SMPD3: variants seen among roughly 807,000 people sequenced by gnomAD.
SMPD3 encodes the protein nSMase-2.
SMPD3 carries 21 observed loss-of-function variants against 55.7 expected under a neutral mutation model. That is an observed-to-expected ratio of 0.38 (90% CI 0.27 to 0.54). The LOEUF (loss-of-function observed/expected upper bound fraction) is 0.54. Ranked by LOEUF, SMPD3 falls within the 20% of genes least tolerant of loss-of-function variation. The pLI, the probability that SMPD3 is intolerant of heterozygous loss-of-function variation, is 0.80. For synonymous variants in SMPD3, 457 were observed against 404.3 expected (o/e 1.13, Z -1.56); for missense variants, 842 against 899.6 (o/e 0.94, Z 0.82).
chr16:68,392,629 A>C (rs2152005457), intron 1 of SMPD3, among the ~76,000 whole-genome samples: 1 of 152,248 alleles, frequency 6.6e-6, no homozygotes, highest in East Asian at 1.9e-4. Context: ...TGGGAGGCCA[A>C]GGTAGGAGGA....
chr16:68,413,329 A>G (rs962461003), intron 1 of SMPD3, among the ~76,000 whole-genome samples: 1 of 152,202 alleles, frequency 6.6e-6, no homozygotes, highest in African/African-American at 2.4e-5. Context: ...ATGGGAAAGC[A>G]TGAGCTGTGA....
Position 68,358,405 on chromosome 16 carries a change from C to A in SMPD3, c.*2801G>T, listed in dbSNP as rs967048943. 6.5e-6 allele frequency: 1 copy of A among 152,696 alleles called. No homozygotes were observed. Among genetic ancestry groups the A allele is most frequent in the Non-Finnish European group, 1.5e-5 (1 of 68,044 alleles). 9.5% of individuals were successfully genotyped at this position (152,696 alleles called of 1,614,324 possible). A position where few individuals can be genotyped will look rare whatever the true frequency, so the allele number is the denominator to read the frequency against. On this transcript the variant is annotated 3_prime_UTR_variant, in exon 9 of 9. Coordinates refer to ENST00000219334, the MANE Select transcript of SMPD3 (RefSeq NM_018667.4). The stretch of plus-strand genomic sequence containing the variant: ...AGTAAGGAAAAAGAACACCTCTCTT[C>A]GCAAAATATTTTATCAGGTGTAAAG...
intron 3 of SMPD3, among the ~76,000 whole-genome samples, chr16:68,365,966 C>T (rs1431624428): frequency 1.3e-5 from 2 of 152,178 alleles, no homozygotes; most frequent in African/African-American, 4.8e-5. Flanking sequence ...ACAGAGATGC[C>T]CTGCACAGAG....
In SMPD3 at chr16:68,359,331, CG is replaced by C. The variant is rs1356314743; in HGVS notation, c.*1874del. 1.3e-5 allele frequency: 2 copies of C among 152,386 alleles called. No homozygotes were observed. Among genetic ancestry groups the C allele is most frequent in the Non-Finnish European group, 2.9e-5 (2 of 68,108 alleles). The allele number at this position is 152,386 out of a possible 1,614,324, so 9.4% of individuals were successfully genotyped here. On this transcript the variant is annotated 3_prime_UTR_variant, in exon 9 of 9. Coordinates refer to ENST00000219334, the MANE Select transcript of SMPD3 (RefSeq NM_018667.4). Reference sequence around the variant, plus strand: ...AGGCCAGCCCCTTGGAGGGGTGGGCCGGGCAGAGAGCCCAGCAGGATGCTCG... The same window carrying C: ...AGGCCAGCCCCTTGGAGGGGTGGGCCGGCAGAGAGCCCAGCAGGATGCTCG...
intron 1 of SMPD3, among the ~76,000 whole-genome samples, chr16:68,414,565 A>T (rs536445243): frequency 6.6e-6 from 1 of 152,344 alleles, no homozygotes; most frequent in East Asian, 1.9e-4. Flanking sequence ...GGAGGCCTCT[A>T]AGCCCCACAG....
At chr16:68,372,760 C>A (rs924726182) in intron 2 of SMPD3, among the ~76,000 whole-genome samples, 2 of 152,178 alleles carry the variant, frequency 1.3e-5, no homozygotes, top group African/African-American at 4.8e-5. Flanking sequence ...CGGGGGCCGC[C>A]GGAAGCCCAT....
Position 68,365,017 on chromosome 16 carries a change from C to T in SMPD3, c.1399G>A (p.Glu467Lys). Residue 467 changes from glutamate (E) to lysine (K), a missense_variant and splice_region_variant, in exon 4 of 9, where the codon GAG becomes AAG. This residue lies in a region of SMPD3 where 649 missense variants were observed against 643.6 expected (regional missense o/e 1.01). Transcript: ENST00000219334. ...AAACACAGGTGGGCGGCAACCCTAC[C>T]TTGCGGGGCATGCAGGTGTGTGCAG... is the stretch of plus-strand genomic sequence containing the variant. ...IACTHLHAPQ[E>K]DSAIRCGQLD... 6.2e-7 allele frequency: 1 copy of T among 1,614,126 alleles called. No homozygotes were observed. The highest frequency in any genetic ancestry group is 8.5e-7 in the Non-Finnish European group (1 of 1,180,016).
chr16:68,390,292 T>C (rs904067788), intron 1 of SMPD3, among the ~76,000 whole-genome samples: 1 of 152,256 alleles, frequency 6.6e-6, no homozygotes, highest in Non-Finnish European at 1.5e-5. Context: ...GCTTCTTTAC[T>C]GCATCCTATT....
chr16:68,379,314 T>A (rs1033473151), intron 2 of SMPD3, among the ~76,000 whole-genome samples: 7 of 152,248 alleles, frequency 4.6e-5, no homozygotes, highest in Admixed American at 4.6e-4. Context: ...GTCGACCTGC[T>A]GGATATTGGA....
chr16:68,380,883 C>T (rs540496392), intron 2 of SMPD3, among the ~76,000 whole-genome samples: 8 of 152,340 alleles, frequency 5.3e-5, no homozygotes, highest in East Asian at 3.9e-4. Context: ...CCTTCTGGAA[C>T]GGATTGGCCG....
chr16:68,402,612 A>T (rs1044281327), intron 1 of SMPD3, among the ~76,000 whole-genome samples: 1 of 150,526 alleles, frequency 6.6e-6, no homozygotes, highest in Non-Finnish European at 1.5e-5. Flanking sequence ...TATGTTCAGC[A>T]CTCCTTCCTG....
chr16:68,412,142 G>A (rs1181533194), intron 1 of SMPD3, among the ~76,000 whole-genome samples: 2 of 152,162 alleles, frequency 1.3e-5, no homozygotes, highest in Middle Eastern at 3.2e-3. Flanking sequence ...GGGAAGGCCT[G>A]GGGCAACTTC....
chr16:68,427,753 G>GC (rs1555596587), intron 1 of SMPD3, among the ~76,000 whole-genome samples: 2 of 70,192 alleles, frequency 2.8e-5, no homozygotes, highest in Admixed American at 5.8e-4. Context: ...AAAAATGACT[G>GC]GGGGGGGGTG....
intron 2 of SMPD3, among the ~76,000 whole-genome samples, chr16:68,384,375 C>T (rs917641363): frequency 6.6e-6 from 1 of 152,250 alleles, no homozygotes; most frequent in Admixed American, 6.5e-5. Context: ...TGAGGCCAAA[C>T]AGGCCCTTTC....
chr16:68,390,255 C>A (rs2090099176), intron 1 of SMPD3, among the ~76,000 whole-genome samples: 1 of 152,206 alleles, frequency 6.6e-6, no homozygotes, highest in Non-Finnish European at 1.5e-5. Flanking sequence ...TTTTGTTCAC[C>A]ATCTTGCTTT....
chr16:68,363,466 T>TC, intron 7 of SMPD3, 30 bp downstream of exon 7: 1 of 1,613,546 alleles, frequency 6.2e-7, no homozygotes, highest in East Asian at 2.2e-5. Flanking sequence ...AGGGTGTGCC[T>TC]CGTCCCTGGC....
intron 1 of SMPD3, among the ~76,000 whole-genome samples, chr16:68,422,341 T>C (rs1421954903): frequency 6.6e-6 from 1 of 152,192 alleles, no homozygotes; most frequent in Non-Finnish European, 1.5e-5. Context: ...AATTAACCTC[T>C]TCCCTTGCCC....
chr16:68,379,564 G>A (rs2089901209), intron 2 of SMPD3, among the ~76,000 whole-genome samples: 1 of 152,180 alleles, frequency 6.6e-6, no homozygotes. Context: ...TTACAAAGAG[G>A]GTTCTCTGCT....
intron 2 of SMPD3, chr16:68,382,160 A>G (rs1014741725): frequency 1.3e-5 from 2 of 152,412 alleles, no homozygotes; most frequent in South Asian, 2.1e-4. Context: ...CAGGTAGCAC[A>G]GTAAATCCGT....
Sources: allele counts gnomAD v4.1 joint callset (sites outside exome capture counted in the v4.1 genomes callset), GRCh38; gene constraint gnomAD v4.1.1; regional missense constraint gnomAD v4.1.1; transcripts MANE v1.5; gene names NCBI Gene and HGNC (gene_info 2026-07-23, HGNC 2026-07-21).